Variants in DSCAM observed in about 807,000 individuals in gnomAD.
DSCAM encodes the protein DS cell adhesion molecule, also known as cell adhesion molecule DSCAM.
Under a neutral mutation model 217.7 loss-of-function variants are expected in DSCAM, and 47 were observed. That is an observed-to-expected ratio of 0.22 (90% confidence interval 0.17 to 0.28). DSCAM has a LOEUF of 0.28. DSCAM is among the 10% of genes least tolerant of loss of function. DSCAM has a pLI of 1.00. For synonymous variants in DSCAM, 1,056 were observed against 1,015.3 expected (o/e 1.04, Z -0.76); for missense variants, 2,080 against 2,618.3 (o/e 0.79, Z 4.49).
intron 11 of DSCAM, among the ~76,000 whole-genome samples, chr21:40,245,855 G>T (rs972943992): frequency 6.6e-6 from 1 of 152,088 alleles, no homozygotes; most frequent in Admixed American, 6.5e-5. Flanking sequence ...ATAAGATCCA[G>T]GTTCCTGTTC....
intron 3 of DSCAM, among the ~76,000 whole-genome samples, chr21:40,461,283 A>G (rs2075803899): frequency 6.6e-6 from 1 of 152,228 alleles, no homozygotes; most frequent in Admixed American, 6.5e-5. Flanking sequence ...CTGTGTGACT[A>G]TAGGCAGAAA....
intron 1 of DSCAM, among the ~76,000 whole-genome samples, chr21:40,795,313 C>T (rs952140825): frequency 1.3e-5 from 2 of 152,142 alleles, no homozygotes; most frequent in African/African-American, 4.8e-5. Flanking sequence ...CACCAAGTGC[C>T]CAATGGCAGA....
At chr21:40,819,283 G>A (rs775246734) in intron 1 of DSCAM, among the ~76,000 whole-genome samples, 2 of 152,214 alleles carry the variant, frequency 1.3e-5, no homozygotes, top group South Asian at 4.1e-4. Context: ...TACCGTAATT[G>A]AACACAGATT....
chr21:40,491,206 C>G (rs943300857), intron 3 of DSCAM, among the ~76,000 whole-genome samples: 3 of 152,148 alleles, frequency 2.0e-5, no homozygotes, highest in Non-Finnish European at 4.4e-5. Context: ...AGTGAAAAAT[C>G]TATTTTTCTC....
At chr21:40,450,248 G>A (rs959301400) in intron 3 of DSCAM, among the ~76,000 whole-genome samples, 1 of 152,126 alleles carries the variant, frequency 6.6e-6, no homozygotes, top group East Asian at 1.9e-4. Context: ...TGCTTGCTTT[G>A]ATACTGGGAA....
At chr21:40,136,139 C>T (rs571184815) in intron 18 of DSCAM, among the ~76,000 whole-genome samples, 42 of 152,260 alleles carry the variant, frequency 2.8e-4, no homozygotes, top group African/African-American at 9.9e-4. Context: ...GAAATCTCAA[C>T]GGAGGGCTTA....
At chr21:40,287,042 T>C (rs2073836524) in intron 10 of DSCAM, among the ~76,000 whole-genome samples, 1 of 139,208 alleles carries the variant, frequency 7.2e-6, no homozygotes, top group Non-Finnish European at 1.5e-5. Context: ...TGCAGTGTGA[T>C]CACAGTGTGA....
intron 1 of DSCAM, among the ~76,000 whole-genome samples, chr21:40,787,863 C>T (rs1361493126): frequency 6.6e-6 from 1 of 152,148 alleles, no homozygotes; most frequent in African/African-American, 2.4e-5. Context: ...CCACTCCTCC[C>T]CCAATTGTAT....
chr21:40,427,602 T>C (rs2075487631), intron 3 of DSCAM, among the ~76,000 whole-genome samples: 1 of 152,216 alleles, frequency 6.6e-6, no homozygotes, highest in African/African-American at 2.4e-5. Context: ...AGCTCCCTTA[T>C]TGCTACCCAC....
chr21:40,135,539 C>T (rs2090198877), intron 18 of DSCAM, among the ~76,000 whole-genome samples: 1 of 152,196 alleles, frequency 6.6e-6, no homozygotes, highest in African/African-American at 2.4e-5. Context: ...TGGGAAAAAG[C>T]AGAAAATGGG....
At position 40,246,414 on chromosome 21, in the gene DSCAM, G is replaced by A. The variant is rs375037622; in HGVS notation, c.2356+29683C>T. On this transcript the variant is annotated intron_variant, in intron 11 of 32. Transcript: ENST00000400454. ...AAATTAGCTAGGTGTGGTGGTGCAT[G>A]CCTGTAGTCTCAGCTACTCAAGAGG... is the stretch of plus-strand genomic sequence containing the variant. 4.5e-4 allele frequency among the ~76,000 whole-genome samples: 62 copies of A among 137,882 alleles called. No individual in the cohort carries two copies. The South Asian group carries it at 9.7e-3, about 22-fold the overall frequency. 90.5% of individuals were successfully genotyped at this position (137,882 alleles called of 152,430 possible). A position where few individuals can be genotyped will look rare whatever the true frequency, so the allele number is the denominator to read the frequency against.
intron 3 of DSCAM, among the ~76,000 whole-genome samples, chr21:40,404,270 T>C (rs367563615): frequency 3.9e-5 from 6 of 152,312 alleles, no homozygotes; most frequent in African/African-American, 7.2e-5. Flanking sequence ...GAAATGTACA[T>C]AAATAGCAAA....
intron 32 of DSCAM, among the ~76,000 whole-genome samples, chr21:40,036,826 G>A (rs2088634140): frequency 1.3e-5 from 2 of 148,600 alleles, no homozygotes; most frequent in Admixed American, 1.3e-4. Context: ...CCATGATCAA[G>A]TGGGCTTCAT....
At position 40,042,489 on chromosome 21, in the gene DSCAM, G is replaced by A. The variant is rs779675403; in HGVS notation, c.5568C>T (p.Asp1856=). 1 of 1,614,202 alleles carries A rather than the reference G, an allele frequency of 6.2e-7. No individual in the cohort carries two copies. The highest frequency in any genetic ancestry group is 8.5e-7 in the Non-Finnish European group (1 of 1,180,030). Residue 1856 remains aspartate (D), a synonymous_variant, in exon 32 of 33, where the codon GAC becomes GAT. Transcript: ENST00000400454. The part of the protein sequence containing the change: ...QLTAGTNEYT[D]SLTSSTPSES... ...CGGAAGGGGTGCTGGAGGTCAGACT[G>A]TCCGTGTACTCATTTGTCCCTGCCG...
chr21:40,308,563 C>G (rs1027292583), intron 9 of DSCAM, among the ~76,000 whole-genome samples: 60 of 152,132 alleles, frequency 3.9e-4, no homozygotes, highest in African/African-American at 1.3e-3. Flanking sequence ...TCCTTCAATA[C>G]CCAGTAATCA....
intron 1 of DSCAM, among the ~76,000 whole-genome samples, chr21:40,818,232 G>A (rs2091898798): frequency 6.6e-6 from 1 of 151,170 alleles, no homozygotes; most frequent in Admixed American, 6.6e-5. Context: ...CCCATGCGAT[G>A]TGTTGTTTTC....
intron 1 of DSCAM, among the ~76,000 whole-genome samples, chr21:40,792,670 T>C (rs1349613390): frequency 6.6e-6 from 1 of 152,120 alleles, no homozygotes; most frequent in Non-Finnish European, 1.5e-5. Flanking sequence ...GGTCTTCAGA[T>C]GTCACTGGGA....
intron 3 of DSCAM, among the ~76,000 whole-genome samples, chr21:40,434,491 A>G (rs553173415): frequency 6.6e-6 from 1 of 152,306 alleles, no homozygotes; most frequent in Non-Finnish European, 1.5e-5. Flanking sequence ...TGCACACTAC[A>G]GGATGGTAGC....
intron 1 of DSCAM, among the ~76,000 whole-genome samples, chr21:40,832,338 A>G (rs2092018306): frequency 6.6e-6 from 1 of 152,234 alleles, no homozygotes; most frequent in South Asian, 2.1e-4. Context: ...GTGTCCACAC[A>G]CTTTAGATGC....
Sources: allele counts gnomAD v4.1 joint callset (sites outside exome capture counted in the v4.1 genomes callset), GRCh38; gene constraint gnomAD v4.1.1; transcripts MANE v1.5; gene names NCBI Gene and HGNC (gene_info 2026-07-23, HGNC 2026-07-21).